Variants in AGBL4 observed in about 807,000 individuals in gnomAD.
The protein encoded by AGBL4 is AGBL carboxypeptidase 4, also known as cytosolic carboxypeptidase 6.
A neutral mutation model predicts 66.4 loss-of-function variants in AGBL4; 58 were observed. The observed-to-expected ratio is 0.87, with a 90% CI of 0.71 to 1.09. The LOEUF (loss-of-function observed/expected upper bound fraction) is 1.09. Among genes scored for constraint, AGBL4 ranks in the 50% least tolerant of loss-of-function variants. The pLI is 0.00. For synonymous variants in AGBL4, 234 were observed against 222.9 expected, an observed-to-expected ratio of 1.05 and a Z score of -0.44; for missense variants, 579 against 631.0, an observed-to-expected ratio of 0.92 and a Z score of 0.88.
intron 3 of AGBL4, among the ~76,000 whole-genome samples, chr1:49,512,978 G>T (rs1649416265): frequency 6.6e-6 from 1 of 151,898 alleles, no homozygotes; most frequent in Admixed American, 6.6e-5. Context: ...TCCTATTCTT[G>T]AAGAAACTCT....
intron 3 of AGBL4, among the ~76,000 whole-genome samples, chr1:49,306,347 T>C (rs1457534365): frequency 4.6e-5 from 7 of 152,206 alleles, no homozygotes; most frequent in African/African-American, 1.7e-4. Context: ...ATTATAAGAA[T>C]GTTAAAGATA....
chr1:48,989,386 T>A lies in AGBL4; in HGVS notation c.594+56198A>T, dbSNP rs377078942. ...TGTTTTTCAAACAATTCAATTATAC[T>A]TTTTAAGTTATTTTTAAATGTACAA... On this transcript the variant is annotated intron_variant, in intron 5 of 13. Transcript: ENST00000371839. Among the ~76,000 whole-genome samples the A allele has an allele frequency of 4.5e-4, 69 of 152,272 alleles. 1 individual carries two copies. The South Asian group carries it at 9.3e-3, about 21-fold the overall frequency.
intron 3 of AGBL4, among the ~76,000 whole-genome samples, chr1:49,610,635 C>T (rs967443581): frequency 1.9e-4 from 29 of 152,180 alleles, no homozygotes; most frequent in African/African-American, 4.6e-4. Flanking sequence ...GGAGGCTTGA[C>T]GGAGCTATTT....
chr1:48,587,414 G>A (rs546633772), intron 10 of AGBL4, among the ~76,000 whole-genome samples: 109 of 151,958 alleles, frequency 7.2e-4, no homozygotes, highest in African/African-American at 2.5e-3. Context: ...GAGAGAGGGA[G>A]CAGGGAAAAG....
chr1:49,673,172 TTAAG>T (rs1353528621), intron 3 of AGBL4, among the ~76,000 whole-genome samples: 1 of 152,146 alleles, frequency 6.6e-6, no homozygotes, highest in African/African-American at 2.4e-5. Context: ...AAGTCATTAC[TTAAG>T]TATTACTGTA....
At chr1:48,990,554 G>A (rs1457177709) in intron 5 of AGBL4, among the ~76,000 whole-genome samples, 1 of 151,964 alleles carries the variant, frequency 6.6e-6, no homozygotes, top group African/African-American at 2.4e-5. Context: ...ACTTAAATTT[G>A]ATTTTTTTGT....
At chr1:49,629,458 T>G (rs528924261) in intron 3 of AGBL4, among the ~76,000 whole-genome samples, 1 of 152,298 alleles carries the variant, frequency 6.6e-6, no homozygotes, top group African/African-American at 2.4e-5. Flanking sequence ...GGACTTAATG[T>G]AAAGGTTACT....
At chr1:49,579,178 T>A (rs1005298155) in intron 3 of AGBL4, among the ~76,000 whole-genome samples, 1 of 152,188 alleles carries the variant, frequency 6.6e-6, no homozygotes, top group Non-Finnish European at 1.5e-5. Context: ...TACGGTACCT[T>A]GTGATCATGT....
At chr1:49,342,144 G>C (rs996064593) in intron 3 of AGBL4, among the ~76,000 whole-genome samples, 1 of 152,026 alleles carries the variant, frequency 6.6e-6, no homozygotes, top group Non-Finnish European at 1.5e-5. Context: ...TCTCTTTTTC[G>C]CTTTTTTTCC....
At chr1:49,135,229 A>C (rs1410683459) in intron 4 of AGBL4, among the ~76,000 whole-genome samples, 1 of 152,120 alleles carries the variant, frequency 6.6e-6, no homozygotes, top group Admixed American at 6.6e-5. Flanking sequence ...ATTTTTGAAA[A>C]CTATAATGAT....
chr1:49,779,556 C>A (rs1047656881), intron 2 of AGBL4, among the ~76,000 whole-genome samples: 1 of 152,058 alleles, frequency 6.6e-6, no homozygotes, highest in African/African-American at 2.4e-5. Flanking sequence ...AGTGGGAAAA[C>A]CACCGCAGCT....
At chr1:49,194,260 T>C (rs1358224459) in intron 4 of AGBL4, among the ~76,000 whole-genome samples, 1 of 128,028 alleles carries the variant, frequency 7.8e-6, no homozygotes, top group Non-Finnish European at 1.6e-5. Context: ...TTTATCATTA[T>C]ATACTGACCT....
chr1:49,839,578 G>T (rs1008001119), intron 2 of AGBL4, among the ~76,000 whole-genome samples: 2 of 152,166 alleles, frequency 1.3e-5, no homozygotes, highest in South Asian at 4.1e-4. Flanking sequence ...AGCCATGACA[G>T]ATTTTGAGGA....
chr1:49,288,684 T>C (rs1644474907), intron 3 of AGBL4, among the ~76,000 whole-genome samples: 1 of 152,162 alleles, frequency 6.6e-6, no homozygotes, highest in Non-Finnish European at 1.5e-5. Flanking sequence ...GAAAGACAGT[T>C]TGGAGTTCAA....
rs570066705 is a variant in AGBL4 at position 49,749,186 on chromosome 1, T to C, written c.158-51749A>G. Among the ~76,000 whole-genome samples, 41 of 152,310 alleles carry C rather than the reference T, an allele frequency of 2.7e-4. 1 individual carries two copies. The highest frequency in any genetic ancestry group is 2.5e-3 in the South Asian group (12 of 4,828). ...AATCTATCTGGAGTTAATTTTTGTA[T>C]AACATGTAAGGAAGGGGTCCAGTTT... On this transcript the variant is annotated intron_variant, in intron 2 of 13. Transcript: ENST00000371839.
At chr1:49,222,838 A>G (rs936787317) in intron 4 of AGBL4, among the ~76,000 whole-genome samples, 2 of 152,222 alleles carry the variant, frequency 1.3e-5, no homozygotes, top group Non-Finnish European at 2.9e-5. Flanking sequence ...TAATAAGTAG[A>G]TAATACTGAA....
chr1:49,970,965 C>T (rs1292734247), intron 1 of AGBL4, among the ~76,000 whole-genome samples: 1 of 151,998 alleles, frequency 6.6e-6, no homozygotes, highest in Admixed American at 6.6e-5. Flanking sequence ...GTGTTATTTG[C>T]CTTTTATCTC....
intron 9 of AGBL4, among the ~76,000 whole-genome samples, chr1:48,623,301 G>A (rs1264076565): frequency 6.6e-6 from 1 of 152,222 alleles, no homozygotes. Context: ...CTGAGTGGTA[G>A]AGCATCAAGG....
intron 11 of AGBL4, among the ~76,000 whole-genome samples, chr1:48,540,799 C>G (rs953753896): frequency 2.0e-5 from 3 of 152,166 alleles, no homozygotes; most frequent in Non-Finnish European, 4.4e-5. Context: ...CTTTCCACCC[C>G]CCTAGAATAG....
Sources: gnomAD v4.1 joint callset for allele counts (sites outside exome capture counted in the v4.1 genomes callset) on GRCh38, gnomAD v4.1.1 for gene constraint, MANE v1.5 for transcripts, NCBI Gene and HGNC (gene_info 2026-07-23, HGNC 2026-07-21) for gene names.